ATP9B: variants seen among roughly 807,000 people sequenced by gnomAD.
ATP9B encodes probable phospholipid-transporting ATPase IIB.
Under a neutral mutation model 146.1 loss-of-function variants are expected in ATP9B, and 110 were observed. The ratio of observed to expected loss-of-function variants is 0.75; its 90% CI spans 0.65 to 0.88. The LOEUF (loss-of-function observed/expected upper bound fraction) is 0.88, where lower values mean the gene tolerates loss of function less well. Among genes scored for constraint, ATP9B ranks in the 40% least tolerant of loss-of-function variants. The pLI is 0.00. For missense variants in ATP9B, 1,499 were observed against 1,496.4 expected, an observed-to-expected ratio of 1.00 and a Z score of -0.03; for synonymous variants, 604 against 569.7, an observed-to-expected ratio of 1.06 and a Z score of -0.86.
At chr18:79,126,414 C>G (rs2094287995) in intron 5 of ATP9B, 39 bp downstream of exon 5, 1 of 1,354,678 alleles carries the variant, frequency 7.4e-7, no homozygotes, top group African/African-American at 1.4e-5. Context: ...CGTTTGCTTA[C>G]TGTAATTATC....
chr18:79,204,196 GAAAAA>G (rs781012960), intron 9 of ATP9B, among the ~76,000 whole-genome samples: 25 of 152,114 alleles, frequency 1.6e-4, no homozygotes, highest in Non-Finnish European at 3.2e-4. Flanking sequence ...ATTTTCTGTG[GAAAAA>G]ACAAGAACAG....
In ATP9B at chr18:79,330,420, CT is replaced by C. The variant is rs749986034; in HGVS notation, c.2028+330del. ...CCTATCTATTTATAAATAGTTTACC[CT>C]TTTTTTTTTTTTTGAGACAGACACA... is the stretch of plus-strand genomic sequence containing the variant. On this transcript the variant is annotated intron_variant, in intron 17 of 29. Coordinates refer to ENST00000426216, the MANE Select transcript of ATP9B (RefSeq NM_198531.5). Among the ~76,000 whole-genome samples the C allele has an allele frequency of 9.5e-3, 1,360 of 142,748 alleles. 7 individuals are homozygous for C. Among genetic ancestry groups the C allele is most frequent in the African/African-American group, 0.026 (1,030 of 39,230 alleles). The allele number at this position is 142,748 out of a possible 152,430, so 93.6% of individuals were successfully genotyped here.
intron 13 of ATP9B, among the ~76,000 whole-genome samples, chr18:79,292,613 C>G (rs2096516831): frequency 6.8e-6 from 1 of 147,726 alleles, no homozygotes; most frequent in Admixed American, 6.8e-5. Flanking sequence ...AGCATGGCTA[C>G]AACAATCTTG....
Position 79,133,542 on chromosome 18 carries a change from C to T in ATP9B, c.667+7167C>T, listed in dbSNP as rs561771775. On this transcript the variant is annotated intron_variant, in intron 5 of 29. Transcript: ENST00000426216. ...ACACACACACACACACACACTCACT[C>T]TCAAGTGGGTAGATACACTCAGGTG... Among the ~76,000 whole-genome samples the T allele has an allele frequency of 7.9e-5, 12 of 152,054 alleles. No homozygotes were observed. In the East Asian group the frequency reaches 2.1e-3, roughly 27 times the overall value.
At chr18:79,296,291 C>G (rs1034802789) in intron 13 of ATP9B, among the ~76,000 whole-genome samples, 1 of 152,244 alleles carries the variant, frequency 6.6e-6, no homozygotes, top group African/African-American at 2.4e-5. Flanking sequence ...GCTGGAATGA[C>G]AGGTGTGAGC....
intron 25 of ATP9B, among the ~76,000 whole-genome samples, chr18:79,356,599 A>T (rs534406941): frequency 6.6e-6 from 1 of 152,358 alleles, no homozygotes; most frequent in Admixed American, 6.5e-5. Context: ...TCTCCAGAGA[A>T]TTGCGCTGTG....
chr18:79,110,415 A>G lies in ATP9B; in HGVS notation c.354A>G (p.Val118=), dbSNP rs750367921. ...RRKKELKART[V]WLGCPEKCEE... ...AGAAAGAGCTGAAAGCTCGCACAGTATGGCTTGGATGTCCTGAAAAGTGTG... is the reference window on the plus strand; with the variant it reads ...AGAAAGAGCTGAAAGCTCGCACAGTGTGGCTTGGATGTCCTGAAAAGTGTG... The change falls in exon 3 of 30, where the codon GTA becomes GTG. Residue 118 remains valine (V), a synonymous_variant. Transcript: ENST00000426216. 48 of 1,612,202 alleles carry G rather than the reference A, an allele frequency of 3.0e-5. No individual in the cohort carries two copies. Among genetic ancestry groups the G allele is most frequent in the Non-Finnish European group, 4.0e-5 (47 of 1,178,854 alleles).
chr18:79,351,061 T>C (rs765247819), intron 25 of ATP9B, among the ~76,000 whole-genome samples: 3 of 152,188 alleles, frequency 2.0e-5, no homozygotes, highest in Non-Finnish European at 2.9e-5. Context: ...ATGAGCCCCT[T>C]CGTCCAGCCT....
At chr18:79,275,159 C>T (rs1026087282) in intron 12 of ATP9B, among the ~76,000 whole-genome samples, 5 of 152,176 alleles carry the variant, frequency 3.3e-5, no homozygotes, top group African/African-American at 9.7e-5. Flanking sequence ...TGCAGATATC[C>T]GAGCCAAAGA....
chr18:79,119,240 T>A (rs2094147415), intron 4 of ATP9B, among the ~76,000 whole-genome samples: 1 of 152,184 alleles, frequency 6.6e-6, no homozygotes, highest in Non-Finnish European at 1.5e-5. Context: ...CCAAAGAAAA[T>A]GTCCTTTTGA....
chr18:79,343,621 TG>T (rs2096870142), intron 20 of ATP9B: 1 of 152,424 alleles, frequency 6.6e-6, no homozygotes, highest in Non-Finnish European at 1.5e-5. Context: ...TGACCTATTA[TG>T]AAAAGAGATG....
chr18:79,240,305 G>A (rs1248068313), intron 11 of ATP9B, among the ~76,000 whole-genome samples: 2 of 152,190 alleles, frequency 1.3e-5, no homozygotes, highest in African/African-American at 4.8e-5. Flanking sequence ...GAAAATGGTA[G>A]AAGAAAAAAA....
At chr18:79,187,799 C>T (rs543005620) in intron 8 of ATP9B, among the ~76,000 whole-genome samples, 4 of 152,166 alleles carry the variant, frequency 2.6e-5, no homozygotes, top group African/African-American at 9.6e-5. Flanking sequence ...GAGCAATTTA[C>T]AAATTTGTAT....
intron 12 of ATP9B, among the ~76,000 whole-genome samples, chr18:79,260,720 G>A (rs147749972): frequency 6.6e-6 from 1 of 152,352 alleles, no homozygotes; most frequent in Admixed American, 6.5e-5. Flanking sequence ...GCAAGCATGT[G>A]CTCCCTTTCA....
At chr18:79,126,106 T>C (rs775427284) in intron 4 of ATP9B, among the ~76,000 whole-genome samples, 161 bp from the exon 5 acceptor site, 1 of 152,230 alleles carries the variant, frequency 6.6e-6, no homozygotes, top group Non-Finnish European at 1.5e-5. Context: ...TGAATCCTTT[T>C]GTAATATTTC....
At chr18:79,272,443 G>C (rs1055510199) in intron 12 of ATP9B, among the ~76,000 whole-genome samples, 5 of 148,376 alleles carry the variant, frequency 3.4e-5, no homozygotes, top group African/African-American at 5.0e-5. Context: ...ATACGCTCCT[G>C]TCCCTGAGCT....
chr18:79,176,587 A>G (rs1275321100), intron 7 of ATP9B, among the ~76,000 whole-genome samples: 5 of 152,244 alleles, frequency 3.3e-5, no homozygotes, highest in Admixed American at 2.6e-4. Context: ...GAAATAAGTG[A>G]TTTAAAAAAA....
intron 12 of ATP9B, 60 bp from the exon 13 acceptor site, chr18:79,276,994 G>T (rs1353975310): frequency 1.3e-6 from 2 of 1,564,030 alleles, no homozygotes; most frequent in Non-Finnish European, 1.8e-6. Flanking sequence ...GGCAGTTTGG[G>T]TGTGAACTTG....
chr18:79,090,419 A>G (rs1245976946), intron 1 of ATP9B, among the ~76,000 whole-genome samples: 1 of 152,188 alleles, frequency 6.6e-6, no homozygotes, highest in Non-Finnish European at 1.5e-5. Context: ...TTTTGTCTAC[A>G]TCCTTGCCAG....
Sources: allele counts gnomAD v4.1 joint callset (sites outside exome capture counted in the v4.1 genomes callset), GRCh38; gene constraint gnomAD v4.1.1; transcripts MANE v1.5; gene names NCBI Gene and HGNC (gene_info 2026-07-23, HGNC 2026-07-21).